Variants in ASB6 observed in about 807,000 individuals in gnomAD.
The protein encoded by ASB6 is ankyrin repeat and SOCS box containing 6.
ASB6 carries 24 observed loss-of-function variants against 28.6 expected under a neutral mutation model. The observed-to-expected ratio is 0.84, with a 90% CI of 0.61 to 1.18. The LOEUF is 1.18. Among genes scored for constraint, ASB6 ranks in the 50% most tolerant of loss-of-function variants. The pLI is 0.00. For missense variants in ASB6, 519 were observed against 559.8 expected (o/e 0.93, Z 0.74); for synonymous variants, 267 against 243.4 (o/e 1.10, Z -0.90).
chr9:129,641,493 C>T (rs1463721750), intron 1 of ASB6, among the ~76,000 whole-genome samples: 1 of 152,238 alleles, frequency 6.6e-6, no homozygotes, highest in African/African-American at 2.4e-5. Flanking sequence ...GACAGACCAG[C>T]TCTTGTCTAT....
In ASB6 at chr9:129,639,305, G is replaced by A. The variant is rs757992602; in HGVS notation, c.408C>T (p.His136=). 31 of 1,611,420 alleles carry A rather than the reference G, an allele frequency of 1.9e-5. No individual in the cohort carries two copies. In the South Asian group the frequency reaches 2.1e-4, roughly 11 times the overall value. The change falls in exon 4 of 6, where the codon CAC becomes CAT. Residue 136 remains histidine (H), a synonymous_variant. Transcript: ENST00000277458. ...TGGCCAGGTCCAAGGGGCTACTCTCGTGGATCTGAGCCAAGGAAGCACAGC... is the reference window on the plus strand; with the variant it reads ...TGGCCAGGTCCAAGGGGCTACTCTCATGGATCTGAGCCAAGGAAGCACAGC... ...GADVNRRDRI[H]ESSPLDLASE...
Position 129,638,028 on chromosome 9 carries a change from G to T in ASB6, c.1028C>A (p.Pro343His), listed in dbSNP as rs756761460. The change falls in exon 6 of 6, where the codon CCC becomes CAC. Residue 343 changes from proline (P) to histidine (H), a missense_variant. Coordinates refer to ENST00000277458, the MANE Select transcript of ASB6 (RefSeq NM_017873.4). ...MVTNSQKLQL[P>H]ENFDIHPVGS... The stretch of plus-strand genomic sequence containing the variant: ...CACAGGGTGGATATCGAAGTTTTCG[G>T]GCAGCTGGAGTTTCTGAGAGTTGGT... 6.2e-7 allele frequency: 1 copy of T among 1,614,096 alleles called. No individual in the cohort carries two copies. The highest frequency in any genetic ancestry group is 8.5e-7 in the Non-Finnish European group (1 of 1,179,980).
chr9:129,639,249 T>C lies in ASB6; in HGVS notation c.464A>G (p.Gln155Arg). The change falls in exon 4 of 6, where the codon CAG becomes CGG. Residue 155 changes from glutamine (Q) to arginine (R), a missense_variant. Coordinates refer to ENST00000277458, the MANE Select transcript of ASB6 (RefSeq NM_017873.4). ...ATCAGCTCCAAGGTCCAGGAGGCGC[T>C]GCAGGCAGGGCAGGCGCTCAGGCTC... is the stretch of plus-strand genomic sequence containing the variant. ...SEEPERLPCL[Q>R]RLLDLGADVN... The C allele has an allele frequency of 6.2e-7, 1 of 1,612,458 alleles. No individual in the cohort carries two copies. Among genetic ancestry groups the C allele is most frequent in the Non-Finnish European group, 8.5e-7 (1 of 1,179,622 alleles).
At chr9:129,641,712 G>C (rs1377072926) in intron 1 of ASB6, among the ~76,000 whole-genome samples, 175 bp downstream of exon 1, 1 of 151,998 alleles carries the variant, frequency 6.6e-6, no homozygotes, top group South Asian at 2.1e-4. Flanking sequence ...CCATGCAAGG[G>C]GCAGGAGTGG....
In ASB6 at chr9:129,642,128, G is replaced by A. The variant is rs921391385; in HGVS notation, c.-129C>T. 1 of 1,336,594 alleles carries A rather than the reference G, an allele frequency of 7.5e-7. No individual in the cohort carries two copies. Among genetic ancestry groups the A allele is most frequent in the Non-Finnish European group, 9.6e-7 (1 of 1,044,954 alleles). 82.8% of individuals were successfully genotyped at this position (1,336,594 alleles called of 1,614,324 possible). A position where few individuals can be genotyped will look rare whatever the true frequency, so the allele number is the denominator to read the frequency against. ...CCAGTCCAGCCCCTGCGCCCGGCCG[G>A]GTCCGCTCCTCAGTCCAAGCCGCGC... On this transcript the variant is annotated 5_prime_UTR_variant, in exon 1 of 6. Transcript: ENST00000277458. The surrounding 1 kb of genome is among the most constrained non-coding windows in gnomAD (Gnocchi z 4.3).
At position 129,642,112 on chromosome 9, in the gene ASB6, C is replaced by T. The variant is rs1831720260; in HGVS notation, c.-113G>A. On this transcript the variant is annotated 5_prime_UTR_variant, in exon 1 of 6. Transcript: ENST00000277458. The surrounding 1 kb of genome is among the most constrained non-coding windows in gnomAD (Gnocchi z 4.3). ...GACCCCACCTGCTCCGCCAGTCCAG[C>T]CCCTGCGCCCGGCCGGGTCCGCTCC... is the stretch of plus-strand genomic sequence containing the variant. 4.4e-6 allele frequency: 6 copies of T among 1,351,434 alleles called. No homozygotes were observed. The South Asian group carries it at 1.0e-4, about 23-fold the overall frequency. 83.7% of individuals were successfully genotyped at this position (1,351,434 alleles called of 1,614,324 possible).
chr9:129,640,912 A>G (rs1831681220), intron 1 of ASB6, among the ~76,000 whole-genome samples, 190 bp from the exon 2 acceptor site: 1 of 152,158 alleles, frequency 6.6e-6, no homozygotes, highest in Admixed American at 6.5e-5. Flanking sequence ...ACGGGAGCAG[A>G]CTGGGATTTG....
At position 129,638,351 on chromosome 9, in the gene ASB6, G is replaced by C. The variant is rs747315893; in HGVS notation, c.705C>G (p.Ile235Met). ...GTGTGACTTGGAAGCAGAAGCGGTT[G>C]ATCATCTGGGCCTCCTCTTTGTCCC... Reference protein sequence around the residue: ...VGGDKEEAQMINRFCFQVTRL... With the variant: ...VGGDKEEAQMMNRFCFQVTRL... Residue 235 changes from isoleucine (I) to methionine (M), a missense_variant, in exon 6 of 6, where the codon ATC becomes ATG. Coordinates refer to ENST00000277458, the MANE Select transcript of ASB6 (RefSeq NM_017873.4). The C allele has an allele frequency of 1.2e-6, 2 of 1,613,204 alleles. No individual in the cohort carries two copies. The highest frequency in any genetic ancestry group is 1.1e-5 in the South Asian group (1 of 91,084).
At chr9:129,638,788 T>A in intron 4 of ASB6, 129 bp from the exon 5 acceptor site, 3 of 774,270 alleles carry the variant, frequency 3.9e-6, no homozygotes, top group Non-Finnish European at 6.5e-6. Context: ...AACTCTCAGC[T>A]CAGGTGAGGG....
Position 129,637,989 on chromosome 9 carries a change from T to C in ASB6, c.1067A>G (p.Glu356Gly), listed in dbSNP as rs1226692276. ...GGAGAAGTGGAGGGCCTGGATCTTT[T>C]CCGCCAGGCTGCCCACAGGGTGGAT... Reference protein sequence around the residue: ...FDIHPVGSLAEKIQALHFSLR... With the variant: ...FDIHPVGSLAGKIQALHFSLR... Residue 356 changes from glutamate to glycine, a missense_variant, in exon 6 of 6, where the codon GAA (glutamate) becomes GGA (glycine). Transcript: ENST00000277458. 1 of 1,609,760 alleles carries C rather than the reference T, an allele frequency of 6.2e-7. No individual in the cohort carries two copies. Among genetic ancestry groups the C allele is most frequent in the Non-Finnish European group, 8.5e-7 (1 of 1,177,646 alleles).
chr9:129,639,527 C>T lies in ASB6; in HGVS notation c.296-19G>A. The T allele has an allele frequency of 6.2e-7, 1 of 1,602,106 alleles. No individual in the cohort carries two copies. The highest frequency in any genetic ancestry group is 1.1e-5 in the South Asian group (1 of 90,418). Reference sequence around the variant, plus strand: ...ACTGGGTCTGAAGGTGCAGACACAGCTCATGTGGGTCCTATCTGTCCGCAT... The same window carrying T: ...ACTGGGTCTGAAGGTGCAGACACAGTTCATGTGGGTCCTATCTGTCCGCAT... On this transcript the variant is annotated intron_variant, in intron 2 of 5. Transcript: ENST00000277458.
In ASB6 at chr9:129,639,472, A is replaced by G. The variant is rs1406762543; in HGVS notation, c.332T>C (p.Val111Ala). 6.2e-7 allele frequency: 1 copy of G among 1,613,796 alleles called. No homozygotes were observed. Among genetic ancestry groups the G allele is most frequent in the Non-Finnish European group, 8.5e-7 (1 of 1,179,822 alleles). ...VTYYTALHIA[V>A]LRNQPDMVEL... ...CACCATGTCCGGCTGGTTCCGCAGG[A>G]CGGCGATGTGCAAGGCCGTGTAGTA... Residue 111 changes from valine to alanine, a missense_variant, in exon 3 of 6, where the codon GTC (valine) becomes GCC (alanine). Transcript: ENST00000277458.
chr9:129,639,292 A>G lies in ASB6; in HGVS notation c.421T>C (p.Leu141=), dbSNP rs1831634965. 6.2e-7 allele frequency: 1 copy of G among 1,612,900 alleles called. No individual in the cohort carries two copies. Among genetic ancestry groups the G allele is most frequent in the Non-Finnish European group, 8.5e-7 (1 of 1,179,328 alleles). The part of the protein sequence containing the change: ...RRDRIHESSP[L]DLASEEPERL... Reference sequence around the variant, plus strand: ...TCAGGCTCCTCGCTGGCCAGGTCCAAGGGGCTACTCTCGTGGATCTGAGCC... The same window carrying G: ...TCAGGCTCCTCGCTGGCCAGGTCCAGGGGGCTACTCTCGTGGATCTGAGCC... The change falls in exon 4 of 6, where the codon TTG becomes CTG. Residue 141 remains leucine (L), a synonymous_variant. Transcript: ENST00000277458.
Position 129,640,720 on chromosome 9 carries a change from G to A in ASB6, c.116C>T (p.Pro39Leu), listed in dbSNP as rs780653098. Reference sequence around the variant, plus strand: ...GCTCTCCTCGCTGGCGACATAACTGGGCCTGGGACAGGAGAGAGGCTGAGG... The same window carrying A: ...GCTCTCCTCGCTGGCGACATAACTGAGCCTGGGACAGGAGAGAGGCTGAGG... ...DPERQESLDR[P>L]SYVASEESRI... Residue 39 changes from proline to leucine, a missense_variant and splice_region_variant, in exon 2 of 6, where the codon CCC becomes CTC. By Grantham distance (98) the Pro-to-Leu change is moderately conservative. Coordinates refer to ENST00000277458, the MANE Select transcript of ASB6 (RefSeq NM_017873.4). 6.2e-7 allele frequency: 1 copy of A among 1,613,996 alleles called. No homozygotes were observed. The highest frequency in any genetic ancestry group is 1.1e-5 in the South Asian group (1 of 91,068).
At chr9:129,640,872 T>A in intron 1 of ASB6, 150 bp from the exon 2 acceptor site, 3 of 904,292 alleles carry the variant, frequency 3.3e-6, no homozygotes, top group Non-Finnish European at 5.1e-6. Flanking sequence ...AGCTCTGAAG[T>A]AGAGAGAGGG....
intron 2 of ASB6, 159 bp downstream of exon 2, chr9:129,640,382 G>T: frequency 1.0e-6 from 1 of 1,003,050 alleles, no homozygotes; most frequent in Non-Finnish European, 1.4e-6. Context: ...GGGGTGGGAG[G>T]CCACCCAATG....
intron 3 of ASB6, 22 bp from the exon 4 acceptor site, chr9:129,639,332 A>C: frequency 6.2e-7 from 1 of 1,604,124 alleles, no homozygotes; most frequent in Non-Finnish European, 8.5e-7. Flanking sequence ...AAGCACAGCC[A>C]GGTTGGCTTG....
chr9:129,640,648 GGA>G lies in ASB6; in HGVS notation c.186_187del (p.Pro63LeufsTer15). On this transcript the variant is annotated frameshift_variant, in exon 2 of 6. Transcript: ENST00000277458. LOFTEE classifies it high-confidence loss of function. ...GTTGCTCACGCCTTCCTGGTAAAAG[GGA>G]GAGTGGGCTTTCCTCTCCAGCAGCT... The G allele has an allele frequency of 6.2e-7, 1 of 1,614,150 alleles. No homozygotes were observed. Among genetic ancestry groups the G allele is most frequent in the Non-Finnish European group, 8.5e-7 (1 of 1,180,012 alleles).
At chr9:129,639,075 A>G in intron 4 of ASB6, 127 bp downstream of exon 4, 2 of 935,160 alleles carry the variant, frequency 2.1e-6, no homozygotes, top group Non-Finnish European at 3.3e-6. Context: ...GTGCCCAGCC[A>G]TGCTGTGCCA....
Sources: gnomAD v4.1 joint callset for allele counts (sites outside exome capture counted in the v4.1 genomes callset) on GRCh38, gnomAD v4.1.1 for gene constraint, Gnocchi (gnomAD v3.1) non-coding constraint, MANE v1.5 for transcripts, NCBI Gene and HGNC (gene_info 2026-07-23, HGNC 2026-07-21) for gene names.